Variants in LSM14B observed in about 807,000 individuals in gnomAD.
LSM14B encodes LSM family member 14B, also known as protein LSM14 homolog B.
LSM14B carries 8 observed loss-of-function variants against 42.1 expected under a neutral mutation model. The observed-to-expected ratio is 0.19, with a 90% confidence interval of 0.11 to 0.34. The LOEUF (loss-of-function observed/expected upper bound fraction) is 0.34. Among genes scored for constraint, LSM14B ranks in the 10% least tolerant of loss-of-function variants. The pLI is 1.00. For synonymous variants in LSM14B, 219 were observed against 209.7 expected (o/e 1.04, Z -0.38); for missense variants, 396 against 513.1 (o/e 0.77, Z 2.21).
At position 62,134,267 on chromosome 20, in the gene LSM14B, A is replaced by C. The variant is rs1356895293; in HGVS notation, c.*119A>C. 18 of 471,756 alleles carry C rather than the reference A, an allele frequency of 3.8e-5. No homozygotes were observed. Among genetic ancestry groups the C allele is most frequent in the Non-Finnish European group, 6.2e-5 (14 of 227,208 alleles). The allele number at this position is 471,756 out of a possible 1,614,324, so 29.2% of individuals were successfully genotyped here. ...TCACTTTGTTTACGGAGTTTGGAAG[A>C]GACCCATACTGCTACTTGTGTTTTG... On this transcript the variant is annotated 3_prime_UTR_variant, in exon 9 of 9. Transcript: ENST00000279068.
In LSM14B at chr20:62,133,403, G is replaced by A. The variant is rs767981609; in HGVS notation, c.1100G>A (p.Gly367Asp). The part of the protein sequence containing the change: ...SSRGGFRGGR[G>D]NGTTRRNPTS... Reference sequence around the variant, plus strand: ...CGGGGCGGATTCCGAGGAGGCAGGGGCAATGGGACCACCCGTCGCAACCCC... The same window carrying A: ...CGGGGCGGATTCCGAGGAGGCAGGGACAATGGGACCACCCGTCGCAACCCC... Residue 367 changes from glycine to aspartate, a missense_variant, in exon 8 of 9, where the codon GGC (glycine) becomes GAC (aspartate). This residue lies in a region of LSM14B where 118 missense variants were observed against 156.4 expected (regional missense o/e 0.75). Coordinates refer to ENST00000279068, the MANE Select transcript of LSM14B (RefSeq NM_144703.3). 6.2e-7 allele frequency: 1 copy of A among 1,613,450 alleles called. No individual in the cohort carries two copies. Among genetic ancestry groups the A allele is most frequent in the Non-Finnish European group, 8.5e-7 (1 of 1,179,682 alleles).
intron 2 of LSM14B, 136 bp downstream of exon 2, chr20:62,124,916 G>C (rs1359379862): frequency 5.1e-6 from 5 of 980,164 alleles, no homozygotes; most frequent in East Asian, 2.8e-5. Flanking sequence ...GCGTCTCGCT[G>C]TGTCACCAGG....
chr20:62,126,574 A>G lies in LSM14B; in HGVS notation c.427+135A>G, dbSNP rs936210178. On this transcript the variant is annotated intron_variant, in intron 3 of 8. Transcript: ENST00000279068. ...GACTGTTTTGTTGCACACTTAGTAA[A>G]TTACCCAGTGCAACTTCCGCTTGTG... 1.3e-5 allele frequency: 16 copies of G among 1,187,470 alleles called. No homozygotes were observed. The African/African-American group carries it at 1.8e-4, about 14-fold the overall frequency. 73.6% of individuals were successfully genotyped at this position (1,187,470 alleles called of 1,614,324 possible). A position where few individuals can be genotyped will look rare whatever the true frequency, so the allele number is the denominator to read the frequency against.
intron 3 of LSM14B, among the ~76,000 whole-genome samples, chr20:62,128,470 G>A (rs1473647945): frequency 2.0e-5 from 3 of 152,188 alleles, no homozygotes; most frequent in South Asian, 2.1e-4. Context: ...TGCACTCTGT[G>A]TATCTGAGTT....
At chr20:62,128,361 A>G (rs1172737556) in intron 3 of LSM14B, among the ~76,000 whole-genome samples, 1 of 152,224 alleles carries the variant, frequency 6.6e-6, no homozygotes, top group African/African-American at 2.4e-5. Context: ...AACCATCGCC[A>G]TTACCCGGCC....
intron 3 of LSM14B, chr20:62,128,147 C>T (rs530434584): frequency 3.8e-5 from 14 of 366,502 alleles, no homozygotes; most frequent in African/African-American, 2.3e-4. Context: ...GGGTGACAGT[C>T]GCCAACTGTT....
intron 1 of LSM14B, chr20:62,123,402 C>T (rs2056473201): frequency 6.6e-6 from 1 of 152,430 alleles, no homozygotes; most frequent in South Asian, 2.1e-4. Context: ...AGCCAGATGC[C>T]CCGGTTTAAA....
rs561466067 is a variant in LSM14B, at chr20:62,130,418, G to A, written c.674-112G>A. ...GTGCTGGTGTGAAGTCGCTGCTTGT[G>A]TGCTCTGTTCCTTCTGTGGCCTTGG... On this transcript the variant is annotated intron_variant, in intron 5 of 8. Coordinates refer to ENST00000279068, the MANE Select transcript of LSM14B (RefSeq NM_144703.3). This position sits in a 1 kb window ranked among gnomAD's most constrained non-coding sequence, Gnocchi z 4.1. The A allele has an allele frequency of 5.2e-6, 8 of 1,536,158 alleles. No homozygotes were observed. The highest frequency in any genetic ancestry group is 7.1e-6 in the Non-Finnish European group (8 of 1,132,342).
chr20:62,133,368 C>T lies in LSM14B; in HGVS notation c.1065C>T (p.Gly355=), dbSNP rs745729503. 4 of 1,613,084 alleles carry T rather than the reference C, an allele frequency of 2.5e-6. No individual in the cohort carries two copies. The East Asian group carries it at 6.7e-5, about 27-fold the overall frequency. Residue 355 remains glycine (G), a synonymous_variant, in exon 8 of 9, where the codon GGC becomes GGT. Coordinates refer to ENST00000279068, the MANE Select transcript of LSM14B (RefSeq NM_144703.3). Reference sequence around the variant, plus strand: ...GGGTGTCAGGGAGGTTTCTTCGTGGCCGCAGTTCTCGGGGCGGATTCCGAG... The same window carrying T: ...GGGTGTCAGGGAGGTTTCTTCGTGGTCGCAGTTCTCGGGGCGGATTCCGAG... ...TFGVSGRFLR[G]RSSRGGFRGG...
rs374107911 is a variant in LSM14B at position 62,130,214 on chromosome 20, C to T, written c.596-5C>T. The T allele has an allele frequency of 1.4e-4, 221 of 1,595,124 alleles. No individual in the cohort carries two copies. The highest frequency in any genetic ancestry group is 1.6e-4 in the Middle Eastern group (1 of 6,068). ...TTTGCCTTACTCTTCCCTTTTGCGC[C>T]GTAGATGTAGTCCAGCCGGCAGCTG... On this transcript the variant is annotated splice_region_variant and splice_polypyrimidine_tract_variant and intron_variant, in intron 4 of 8. Transcript: ENST00000279068. This position sits in a 1 kb window ranked among gnomAD's most constrained non-coding sequence, Gnocchi z 4.1.
At chr20:62,123,752 A>T (rs1227986314) in intron 1 of LSM14B, among the ~76,000 whole-genome samples, 5 of 152,190 alleles carry the variant, frequency 3.3e-5, no homozygotes, top group Non-Finnish European at 5.9e-5. Flanking sequence ...GTCACAGGGA[A>T]CTTCATGTGT....
chr20:62,125,935 C>T (rs1308949352), intron 2 of LSM14B, among the ~76,000 whole-genome samples: 1 of 152,174 alleles, frequency 6.6e-6, no homozygotes, highest in African/African-American at 2.4e-5. Flanking sequence ...TGGTGGGCAT[C>T]TGTAATCTCA....
At chr20:62,124,866 C>A in intron 2 of LSM14B, 86 bp downstream of exon 2, 40 of 1,257,848 alleles carry the variant, frequency 3.2e-5, no homozygotes, top group South Asian at 4.6e-5. Context: ...TCAGAACGCT[C>A]AATGTGAGGA....
intron 3 of LSM14B, chr20:62,127,719 G>C: frequency 1.4e-6 from 2 of 1,476,750 alleles, no homozygotes; most frequent in Non-Finnish European, 1.9e-6. Flanking sequence ...CAGTTTGGGA[G>C]AACTGCATGC....
intron 3 of LSM14B, chr20:62,127,987 A>G: frequency 1.6e-6 from 1 of 619,428 alleles, no homozygotes; most frequent in East Asian, 2.7e-5. Flanking sequence ...CTGTTCACAG[A>G]AAGTCATTTC....
At chr20:62,126,242 A>C in intron 2 of LSM14B, 62 bp from the exon 3 acceptor site, 1 of 1,611,816 alleles carries the variant, frequency 6.2e-7, no homozygotes, top group Non-Finnish European at 8.5e-7. Flanking sequence ...AAGCGCCCTG[A>C]TGAAGGCGTG....
Position 62,122,714 on chromosome 20 carries a change from C to T in LSM14B, c.48C>T (p.Leu16=). 6.6e-7 allele frequency: 1 copy of T among 1,520,710 alleles called. No homozygotes were observed. The highest frequency in any genetic ancestry group is 8.9e-7 in the Non-Finnish European group (1 of 1,129,124). The allele number at this position is 1,520,710 out of a possible 1,614,324, so 94.2% of individuals were successfully genotyped here. The change falls in exon 1 of 9, where the codon CTC becomes CTT. Residue 16 remains leucine, a synonymous_variant. Coordinates refer to ENST00000279068, the MANE Select transcript of LSM14B (RefSeq NM_144703.3). This position sits in a 1 kb window ranked among gnomAD's most constrained non-coding sequence, Gnocchi z 4.6. ...CGTATCTGGGCAGCAAGATCAGCCT[C>T]ATCTCCAAGGCGCAGATCCGCTACG... is the stretch of plus-strand genomic sequence containing the variant. ...GTPYLGSKIS[L]ISKAQIRYEG...
intron 3 of LSM14B, chr20:62,128,019 T>C (rs2056654475): frequency 1.7e-6 from 1 of 600,408 alleles, no homozygotes; most frequent in Non-Finnish European, 3.0e-6. Context: ...TGCTGGGTCC[T>C]AAATGTGTTC....
intron 3 of LSM14B, 73 bp from the exon 4 acceptor site, chr20:62,129,712 G>T: frequency 7.0e-7 from 1 of 1,437,232 alleles, no homozygotes; most frequent in Non-Finnish European, 9.3e-7. Flanking sequence ...GCCAGCAGAA[G>T]AGAAATGCCT....
Sources: gnomAD v4.1 joint callset for allele counts (sites outside exome capture counted in the v4.1 genomes callset) on GRCh38, gnomAD v4.1.1 for gene constraint, gnomAD v4.1.1 regional missense constraint, Gnocchi (gnomAD v3.1) non-coding constraint, MANE v1.5 for transcripts, NCBI Gene and HGNC (gene_info 2026-07-23, HGNC 2026-07-21) for gene names.